CLIP4: variants seen among roughly 807,000 people sequenced by gnomAD.
The protein encoded by CLIP4 is CAP-Gly domain-containing linker protein 4.
Under a neutral mutation model 73.1 loss-of-function variants are expected in CLIP4, and 47 were observed. The observed-to-expected ratio is 0.64, with a 90% CI of 0.51 to 0.82. The LOEUF is 0.82. Ranked by LOEUF, CLIP4 falls within the 40% of genes least tolerant of loss-of-function variation. CLIP4 has a pLI of 0.00. For synonymous variants in CLIP4, 306 were observed against 295.4 expected, an observed-to-expected ratio of 1.04 and a Z score of -0.37; for missense variants, 874 against 852.9, an observed-to-expected ratio of 1.02 and a Z score of -0.31.
intron 13 of CLIP4, among the ~76,000 whole-genome samples, chr2:29,166,363 C>G (rs1343510656): frequency 6.6e-6 from 1 of 152,006 alleles, no homozygotes; most frequent in Non-Finnish European, 1.5e-5. Context: ...ATCCCAGAAT[C>G]TTTGCACATG....
At chr2:29,167,702 A>T in intron 14 of CLIP4, 162 bp downstream of exon 14, 1 of 505,292 alleles carries the variant, frequency 2.0e-6, no homozygotes. Flanking sequence ...CTGGCTGAAG[A>T]AGATGATAAC....
chr2:29,126,205 A>AAAAATAAT (rs1440149041), intron 2 of CLIP4, among the ~76,000 whole-genome samples: 2 of 152,230 alleles, frequency 1.3e-5, no homozygotes, highest in African/African-American at 4.8e-5. Flanking sequence ...AAAAAAATAA[A>AAAAATAAT]AACTATTTTT....
At chr2:29,143,398 C>G (rs1026524552) in intron 6 of CLIP4, among the ~76,000 whole-genome samples, 2 of 26,354 alleles carry the variant, frequency 7.6e-5, no homozygotes, top group Non-Finnish European at 1.2e-4. Flanking sequence ...TTCCCCTTCC[C>G]TGTTTTTTTT....
At chr2:29,128,352 T>C (rs547551684) in intron 2 of CLIP4, among the ~76,000 whole-genome samples, 11 of 152,002 alleles carry the variant, frequency 7.2e-5, no homozygotes, top group African/African-American at 1.9e-4. Flanking sequence ...CTTGATTAAA[T>C]AGGATTACAG....
intron 1 of CLIP4, among the ~76,000 whole-genome samples, chr2:29,098,909 G>A (rs1184165684): frequency 6.6e-6 from 1 of 152,206 alleles, no homozygotes; most frequent in East Asian, 1.9e-4. Flanking sequence ...CATTCTAATA[G>A]GCGTGTAGTG....
intron 1 of CLIP4, among the ~76,000 whole-genome samples, chr2:29,101,274 G>A (rs1486032123): frequency 7.3e-6 from 1 of 136,870 alleles, no homozygotes; most frequent in African/African-American, 2.8e-5. Context: ...TGGGCAACAG[G>A]CTTTTTTTTT....
chr2:29,148,492 C>G (rs1666323757), intron 8 of CLIP4, among the ~76,000 whole-genome samples: 1 of 152,014 alleles, frequency 6.6e-6, no homozygotes, highest in African/African-American at 2.4e-5. Context: ...TTAATAATTG[C>G]CAAAGTGAAT....
At chr2:29,169,329 C>CTGGG (rs1558579043) in intron 14 of CLIP4, among the ~76,000 whole-genome samples, 1 of 140,322 alleles carries the variant, frequency 7.1e-6, no homozygotes, top group Non-Finnish European at 1.6e-5. Flanking sequence ...GTCTTTTTCA[C>CTGGG]TGTGTGTGTG....
At chr2:29,099,071 A>G (rs1383608700) in intron 1 of CLIP4, among the ~76,000 whole-genome samples, 1 of 152,218 alleles carries the variant, frequency 6.6e-6, no homozygotes, top group Admixed American at 6.5e-5. Flanking sequence ...TTTTTATTAA[A>G]TTTTAAGCCT....
At chr2:29,161,340 T>G (rs1667278490) in intron 12 of CLIP4, among the ~76,000 whole-genome samples, 1 of 152,138 alleles carries the variant, frequency 6.6e-6, no homozygotes, top group African/African-American at 2.4e-5. Context: ...CAAAACCAAG[T>G]TTGTATGTTT....
At chr2:29,158,461 A>G (rs757005076) in intron 11 of CLIP4, among the ~76,000 whole-genome samples, 6 of 152,192 alleles carry the variant, frequency 3.9e-5, no homozygotes, top group African/African-American at 7.2e-5. Flanking sequence ...TGTCGACTTA[A>G]ACAACAGTGA....
rs1400448019 is a variant in CLIP4 at position 29,174,243 on chromosome 2, TGCCA to T, written c.1724-126_1724-123del. On this transcript the variant is annotated intron_variant, in intron 14 of 15. Coordinates refer to ENST00000320081, the MANE Select transcript of CLIP4 (RefSeq NM_024692.6). ...CTGGGATTACAGGTGTGAGCCACCATGCCAGCCTGCTGTTTTGAAAGAAACATTT... is the reference window on the plus strand; with the variant it reads ...CTGGGATTACAGGTGTGAGCCACCATGCCTGCTGTTTTGAAAGAAACATTT... 1.3e-4 allele frequency: 106 copies of T among 816,272 alleles called. No homozygotes were observed. The East Asian group carries it at 2.8e-3, about 22-fold the overall frequency. 50.6% of individuals were successfully genotyped at this position (816,272 alleles called of 1,614,324 possible).
intron 15 of CLIP4, among the ~76,000 whole-genome samples, chr2:29,174,892 T>G (rs1668233434): frequency 6.6e-6 from 1 of 152,186 alleles, no homozygotes; most frequent in Admixed American, 6.5e-5. Context: ...CCTTTTTTTT[T>G]GTTTTGTTGC....
At chr2:29,147,156 T>C (rs1410013519) in intron 8 of CLIP4, among the ~76,000 whole-genome samples, 1 of 152,258 alleles carries the variant, frequency 6.6e-6, no homozygotes, top group Non-Finnish European at 1.5e-5. Context: ...TTTTTCCAAT[T>C]TGACAGATGA....
chr2:29,182,182 C>G lies in CLIP4; in HGVS notation c.*289C>G, dbSNP rs908932257. The G allele has an allele frequency of 1.2e-4, 29 of 234,792 alleles. No individual in the cohort carries two copies. In the East Asian group the frequency reaches 2.4e-3, roughly 19 times the overall value. The allele number at this position is 234,792 out of a possible 1,614,324, so 14.5% of individuals were successfully genotyped here. A position where few individuals can be genotyped will look rare whatever the true frequency, so the allele number is the denominator to read the frequency against. On this transcript the variant is annotated 3_prime_UTR_variant, in exon 16 of 16. Transcript: ENST00000320081. ...AGTGCCATCAGGTGACCAGCTGTTGCATTTCTTGCTTATTCTGTTTTGTTT... is the reference window on the plus strand; with the variant it reads ...AGTGCCATCAGGTGACCAGCTGTTGGATTTCTTGCTTATTCTGTTTTGTTT...
intron 6 of CLIP4, among the ~76,000 whole-genome samples, chr2:29,135,979 A>C (rs1365049427): frequency 6.6e-6 from 1 of 152,182 alleles, no homozygotes; most frequent in Non-Finnish European, 1.5e-5. Flanking sequence ...GTAGCAATAC[A>C]TATATTACAG....
intron 11 of CLIP4, among the ~76,000 whole-genome samples, chr2:29,159,548 C>G (rs1462281038): frequency 1.3e-5 from 2 of 152,066 alleles, no homozygotes; most frequent in Non-Finnish European, 2.9e-5. Flanking sequence ...ATTTAACCTT[C>G]AAATCACACT....
exon 1 of CLIP4, chr2:29,097,892 G>A (rs1230121422): frequency 2.0e-5 from 3 of 152,218 alleles, no homozygotes; most frequent in Admixed American, 6.5e-5. Flanking sequence ...AAAGACCCAT[G>A]AGGGACTGAA....
In CLIP4 at chr2:29,151,246, T is replaced by C. The variant is rs774943098; in HGVS notation, c.1022-1439T>C. ...GTAACGTTTGTCATACCATTAAATATAATTATTTCTTTAAAATTAATTCTA... is the reference window on the plus strand; with the variant it reads ...GTAACGTTTGTCATACCATTAAATACAATTATTTCTTTAAAATTAATTCTA... On this transcript the variant is annotated intron_variant, in intron 8 of 15. Coordinates refer to ENST00000320081, the MANE Select transcript of CLIP4 (RefSeq NM_024692.6). Among the ~76,000 whole-genome samples, 5 of 152,328 alleles carry C rather than the reference T, an allele frequency of 3.3e-5. No individual in the cohort carries two copies. The South Asian group carries it at 8.3e-4, about 25-fold the overall frequency.
Sources: allele counts gnomAD v4.1 joint callset (sites outside exome capture counted in the v4.1 genomes callset), GRCh38; gene constraint gnomAD v4.1.1; transcripts MANE v1.5; gene names NCBI Gene and HGNC (gene_info 2026-07-23, HGNC 2026-07-21).